Variants in EPHA1 observed in about 807,000 individuals in gnomAD.
The protein encoded by EPHA1 is ephrin type-A receptor 1.
EPHA1 carries 92 observed loss-of-function variants against 110.1 expected under a neutral mutation model. The observed-to-expected ratio is 0.84, with a 90% CI of 0.71 to 0.99. EPHA1 has a LOEUF of 0.99. EPHA1 is among the 50% of genes least tolerant of loss of function. The pLI, the probability that EPHA1 is intolerant of heterozygous loss-of-function variation, is 0.00. For synonymous variants in EPHA1, 500 were observed against 516.1 expected (o/e 0.97, Z 0.42); for missense variants, 1,204 against 1,285.4 (o/e 0.94, Z 0.97).
chr7:143,398,618 A>T lies in EPHA1; in HGVS notation c.1319T>A (p.Ile440Asn). Residue 440 changes from isoleucine (I) to asparagine (N), a missense_variant, in exon 6 of 18, where the codon ATC becomes AAC. Ile to Asn is a moderately radical substitution (Grantham distance 149). Transcript: ENST00000275815. ...CCTCTCACCTGCATGCCCCATGCTG[A>T]TGCTGACTGAGGTGCTGGCATGGCC... ...SSGHASTSVSISMGHAESLSG... is the reference protein window; with the variant it reads ...SSGHASTSVSNSMGHAESLSG... 6.2e-7 allele frequency: 1 copy of T among 1,613,842 alleles called. No individual in the cohort carries two copies. The highest frequency in any genetic ancestry group is 8.5e-7 in the Non-Finnish European group (1 of 1,179,812).
At chr7:143,394,137 G>C in intron 15 of EPHA1, 57 bp downstream of exon 15, 2 of 1,560,040 alleles carry the variant, frequency 1.3e-6, no homozygotes, top group South Asian at 1.2e-5. Flanking sequence ...GAGGACCTTG[G>C]GAGGAAATAA....
intron 2 of EPHA1, among the ~76,000 whole-genome samples, chr7:143,402,533 C>T (rs1805452517): frequency 6.6e-6 from 1 of 152,208 alleles, no homozygotes; most frequent in Admixed American, 6.5e-5. Flanking sequence ...GTTGGGATTA[C>T]AGGCATGCAC....
At chr7:143,400,615 A>C (rs1462201223) in intron 3 of EPHA1, among the ~76,000 whole-genome samples, 1 of 152,200 alleles carries the variant, frequency 6.6e-6, no homozygotes, top group Non-Finnish European at 1.5e-5. Flanking sequence ...GTCTTGCTAC[A>C]TGACTCCAGT....
rs376356192 is a variant in EPHA1 at position 143,399,374 on chromosome 7, G to A, written c.875C>T (p.Pro292Leu). Residue 292 changes from proline (P) to leucine (L), a missense_variant, in exon 5 of 18, where the codon CCC becomes CTC. Coordinates refer to ENST00000275815, the MANE Select transcript of EPHA1 (RefSeq NM_005232.5). ...SGSYRMDMDTPHCLTCPQQST... is the reference protein window; with the variant it reads ...SGSYRMDMDTLHCLTCPQQST... ...CTGCTGGGGGCACGTGAGACAATGGGGTGTGTCCATGTCCATCCGGTAGGA... is the reference window on the plus strand; with the variant it reads ...CTGCTGGGGGCACGTGAGACAATGGAGTGTGTCCATGTCCATCCGGTAGGA... 5 of 1,609,762 alleles carry A rather than the reference G, an allele frequency of 3.1e-6. No individual in the cohort carries two copies. The highest frequency in any genetic ancestry group is 4.2e-6 in the Non-Finnish European group (5 of 1,178,010).
intron 16 of EPHA1, among the ~76,000 whole-genome samples, chr7:143,392,145 AG>A (rs1320670557): frequency 2.6e-5 from 4 of 152,212 alleles, no homozygotes; most frequent in African/African-American, 9.6e-5. Context: ...AGGAGAACAG[AG>A]GCCTGGCACC....
rs1586586175 is a variant in EPHA1, at chr7:143,401,692, G to A, written c.151-87C>T. On this transcript the variant is annotated intron_variant, in intron 2 of 17. Coordinates refer to ENST00000275815, the MANE Select transcript of EPHA1 (RefSeq NM_005232.5). The surrounding 1 kb of genome is among the most constrained non-coding windows in gnomAD (Gnocchi z 4.1). ...TTAGAGCTGATGGAGAAGCAGCTGT[G>A]TCAGAGCCCCTCAGGTTTATGCTAC... The A allele has an allele frequency of 1.3e-6, 2 of 1,497,396 alleles. No homozygotes were observed. 92.8% of individuals were successfully genotyped at this position (1,497,396 alleles called of 1,614,324 possible). A position where few individuals can be genotyped will look rare whatever the true frequency, so the allele number is the denominator to read the frequency against.
In EPHA1 at chr7:143,408,852, G is replaced by T. The variant is rs1053676947; in HGVS notation, c.-47C>A. ...ACAGTGGCCCGGATGGCAGCGCCAG[G>T]TTGCAAGGGACTAGGAGAGCCGGGC... is the stretch of plus-strand genomic sequence containing the variant. On this transcript the variant is annotated 5_prime_UTR_variant, in exon 1 of 18. Transcript: ENST00000275815. 8.5e-6 allele frequency: 9 copies of T among 1,062,094 alleles called. No individual in the cohort carries two copies. Among genetic ancestry groups the T allele is most frequent in the Non-Finnish European group, 1.0e-5 (9 of 881,746 alleles). The allele number at this position is 1,062,094 out of a possible 1,614,324, so 65.8% of individuals were successfully genotyped here. A position where few individuals can be genotyped will look rare whatever the true frequency, so the allele number is the denominator to read the frequency against.
chr7:143,398,755 C>G lies in EPHA1; in HGVS notation c.1182G>C (p.Pro394=). 4 of 1,613,970 alleles carry G rather than the reference C, an allele frequency of 2.5e-6. No homozygotes were observed. The South Asian group carries it at 3.3e-5, about 13-fold the overall frequency. ...QPCGVGVHFS[P]GARGLTTPAV... Reference sequence around the variant, plus strand: ...CAGGTGTGGTGAGCCCCCGGGCCCCCGGCGAGAAGTGCACGCCCACCCCAC... The same window carrying G: ...CAGGTGTGGTGAGCCCCCGGGCCCCGGGCGAGAAGTGCACGCCCACCCCAC... Residue 394 remains proline (P), a synonymous_variant, in exon 6 of 18, where the codon CCG becomes CCC. Transcript: ENST00000275815.
At chr7:143,408,618 G>A in intron 1 of EPHA1, 106 bp downstream of exon 1, 1 of 251,688 alleles carries the variant, frequency 4.0e-6, no homozygotes, top group Non-Finnish European at 6.3e-6. Context: ...CGAGGGTCTC[G>A]GGGAACATGG....
intron 2 of EPHA1, among the ~76,000 whole-genome samples, chr7:143,406,494 C>G (rs1805552939): frequency 6.6e-6 from 1 of 152,216 alleles, no homozygotes. Flanking sequence ...CAATGTTTCC[C>G]TGAGTTCTGT....
intron 1 of EPHA1, among the ~76,000 whole-genome samples, chr7:143,408,491 T>C (rs1007172861): frequency 2.0e-5 from 3 of 151,902 alleles, no homozygotes; most frequent in East Asian, 3.9e-4. Context: ...CAGGAGCAGA[T>C]TGCTGGCCTG....
rs1187305212 is a variant in EPHA1, at chr7:143,398,359, C to A, written c.1426G>T (p.Gly476Trp). ...TWAGSRPRSP[G>W]ANLTYELHVL... ...TGCAGCTCATAGGTCAGGTTCGCCC[C>A]AGGGCTTCGGGGCCGGGACCCCGCC... The change falls in exon 7 of 18, where the codon GGG becomes TGG. Residue 476 changes from glycine (G) to tryptophan (W), a missense_variant. By Grantham distance (184) the Gly-to-Trp change is radical. Transcript: ENST00000275815. 1.2e-6 allele frequency: 2 copies of A among 1,614,126 alleles called. No individual in the cohort carries two copies. Among genetic ancestry groups the A allele is most frequent in the Non-Finnish European group, 1.7e-6 (2 of 1,179,990 alleles).
Position 143,393,873 on chromosome 7 carries a change from CG to C in EPHA1, c.2503-10del. 6.5e-7 allele frequency: 1 copy of C among 1,537,540 alleles called. No individual in the cohort carries two copies. On this transcript the variant is annotated splice_polypyrimidine_tract_variant and intron_variant, in intron 15 of 17. Coordinates refer to ENST00000275815, the MANE Select transcript of EPHA1 (RefSeq NM_005232.5). This position sits in a 1 kb window ranked among gnomAD's most constrained non-coding sequence, Gnocchi z 5.6. Reference sequence around the variant, plus strand: ...TCAATGCTCTTCATAACCTGCACGGCGGGACAGGAGGATGCTCTAGAGTAGC... The same window carrying C: ...TCAATGCTCTTCATAACCTGCACGGCGGACAGGAGGATGCTCTAGAGTAGC...
chr7:143,396,606 C>T, intron 10 of EPHA1, 96 bp from the exon 11 acceptor site: 4 of 1,452,920 alleles, frequency 2.8e-6, no homozygotes, highest in Non-Finnish European at 1.9e-6. Context: ...CACTTCTCCA[C>T]ACCTCCCTGT....
chr7:143,398,438 T>C lies in EPHA1; in HGVS notation c.1347A>G (p.Ser449=). The change falls in exon 7 of 18, where the codon TCA becomes TCG. Residue 449 remains serine (S), a synonymous_variant. Coordinates refer to ENST00000275815, the MANE Select transcript of EPHA1 (RefSeq NM_005232.5). ...SISMGHAESL[S]GLSLRLVKKE... The stretch of plus-strand genomic sequence containing the variant: ...TCTTCACCAGTCTCAGAGACAGGCC[T>C]GACAGTGACTCTGGGGGTCCAGAGG... 1 of 1,614,146 alleles carries C rather than the reference T, an allele frequency of 6.2e-7. No individual in the cohort carries two copies. Among genetic ancestry groups the C allele is most frequent in the Non-Finnish European group, 8.5e-7 (1 of 1,179,996 alleles).
chr7:143,391,290 A>G lies in EPHA1; in HGVS notation c.*167T>C. 1.3e-6 allele frequency: 1 copy of G among 763,958 alleles called. No individual in the cohort carries two copies. The highest frequency in any genetic ancestry group is 2.1e-6 in the Non-Finnish European group (1 of 475,732). 47.3% of individuals were successfully genotyped at this position (763,958 alleles called of 1,614,324 possible). On this transcript the variant is annotated 3_prime_UTR_variant, in exon 18 of 18. Transcript: ENST00000275815. ...CTACCCCCACCTCCCTTTTAAAACAAAGAGGTTTTCTGGGGTGCAGAGCAG... is the reference window on the plus strand; with the variant it reads ...CTACCCCCACCTCCCTTTTAAAACAGAGAGGTTTTCTGGGGTGCAGAGCAG...
chr7:143,397,971 G>T lies in EPHA1; in HGVS notation c.1564C>A (p.Leu522Met). Residue 522 changes from leucine (L) to methionine (M), a missense_variant, in exon 8 of 18, where the codon CTG becomes ATG. Transcript: ENST00000275815. ...TCAGGGGAGAAAGGGCCAGGACCCA[G>T]TGGGGTCAGCATTCGGACTCTGACG... ...YIVRVRMLTPLGPGPFSPDHE... is the reference protein window; with the variant it reads ...YIVRVRMLTPMGPGPFSPDHE... 6.2e-7 allele frequency: 1 copy of T among 1,614,156 alleles called. No homozygotes were observed. Among genetic ancestry groups the T allele is most frequent in the Non-Finnish European group, 8.5e-7 (1 of 1,180,008 alleles).
At chr7:143,392,497 T>G (rs1805116255) in intron 16 of EPHA1, among the ~76,000 whole-genome samples, 1 of 152,192 alleles carries the variant, frequency 6.6e-6, no homozygotes, top group Non-Finnish European at 1.5e-5. Flanking sequence ...CCAGGCTGGC[T>G]ACCCAATAAA....
rs1433233682 is a variant in EPHA1, at chr7:143,399,353, T to A, written c.896A>T (p.Gln299Leu). 6.2e-7 allele frequency: 1 copy of A among 1,611,464 alleles called. No individual in the cohort carries two copies. The highest frequency in any genetic ancestry group is 1.3e-5 in the African/African-American group (1 of 74,840). The change falls in exon 5 of 18, where the codon CAG (glutamine) becomes CTG (leucine). Residue 299 changes from glutamine (Q) to leucine (L), a missense_variant. By Grantham distance (113) the Gln-to-Leu change is moderately radical. Coordinates refer to ENST00000275815, the MANE Select transcript of EPHA1 (RefSeq NM_005232.5). ...MDTPHCLTCP[Q>L]QSTAESEGAT... Reference sequence around the variant, plus strand: ...CCCCTCAGACTCAGCAGTGCTCTGCTGGGGGCACGTGAGACAATGGGGTGT... The same window carrying A: ...CCCCTCAGACTCAGCAGTGCTCTGCAGGGGGCACGTGAGACAATGGGGTGT...
Sources: gnomAD v4.1 joint callset for allele counts (sites outside exome capture counted in the v4.1 genomes callset) on GRCh38, gnomAD v4.1.1 for gene constraint, Gnocchi (gnomAD v3.1) non-coding constraint, MANE v1.5 for transcripts, NCBI Gene and HGNC (gene_info 2026-07-23, HGNC 2026-07-21) for gene names.